The following SORCS2 variants were observed in gnomAD, a reference collection of about 807,000 sequenced individuals.
The protein encoded by SORCS2 is VPS10 domain-containing receptor SorCS2.
SORCS2 carries 100 observed loss-of-function variants against 141.6 expected under a neutral mutation model. The ratio of observed to expected loss-of-function variants is 0.71; its 90% CI spans 0.60 to 0.83. The LOEUF is 0.83. SORCS2 is among the 40% of genes least tolerant of loss of function. The pLI, the probability that SORCS2 is intolerant of heterozygous loss-of-function variation, is 0.00. For missense variants in SORCS2, 1,646 were observed against 1,560.2 expected, an observed-to-expected ratio of 1.05 and a Z score of -0.93; for synonymous variants, 789 against 676.9, an observed-to-expected ratio of 1.17 and a Z score of -2.57.
Position 7,648,926 on chromosome 4 carries a change from C to T in SORCS2, c.814-5208C>T, listed in dbSNP as rs1721257447. Among the ~76,000 whole-genome samples the T allele has an allele frequency of 6.6e-6, 1 of 152,136 alleles. No homozygotes were observed. Among genetic ancestry groups the T allele is most frequent in the Admixed American group, 6.5e-5 (1 of 15,284 alleles). Reference sequence around the variant, plus strand: ...AGCTAGAGGCCAGAGAACCAGAGTTCTGAGCGTAGCATGAGGGGACACGCC... The same window carrying T: ...AGCTAGAGGCCAGAGAACCAGAGTTTTGAGCGTAGCATGAGGGGACACGCC... On this transcript the variant is annotated intron_variant, in intron 4 of 26. Transcript: ENST00000507866. This position sits in a 1 kb window ranked among gnomAD's most constrained non-coding sequence, Gnocchi z 4.2.
intron 1 of SORCS2, among the ~76,000 whole-genome samples, chr4:7,316,753 G>A (rs6850248): frequency 2.0e-5 from 3 of 151,962 alleles, no homozygotes; most frequent in Admixed American, 1.3e-4. Flanking sequence ...TGTACAGTTC[G>A]CAGCCATTCT....
chr4:7,581,995 C>T (rs564480788), intron 3 of SORCS2, among the ~76,000 whole-genome samples: 3 of 152,250 alleles, frequency 2.0e-5, no homozygotes, highest in East Asian at 3.9e-4. Flanking sequence ...TATCTACCCA[C>T]ATTATCAGGA....
intron 3 of SORCS2, among the ~76,000 whole-genome samples, chr4:7,631,840 G>A (rs1288331254): frequency 4.0e-5 from 6 of 151,180 alleles, no homozygotes; most frequent in African/African-American, 1.2e-4. Context: ...CAGAGCTGCC[G>A]CTGCAGACTT....
At chr4:7,696,610 C>T (rs1176941274) in intron 11 of SORCS2, among the ~76,000 whole-genome samples, 1 of 152,292 alleles carries the variant, frequency 6.6e-6, no homozygotes, top group African/African-American at 2.4e-5. Flanking sequence ...GGAGATGGAC[C>T]CAATCAGCCC....
intron 1 of SORCS2, among the ~76,000 whole-genome samples, chr4:7,213,768 C>T (rs1216505069): frequency 6.6e-6 from 1 of 152,178 alleles, no homozygotes; most frequent in Non-Finnish European, 1.5e-5. Context: ...CAGGCCAGTC[C>T]CCTTTCCAGA....
At chr4:7,724,563 G>A (rs1158437346) in intron 19 of SORCS2, among the ~76,000 whole-genome samples, 1 of 109,524 alleles carries the variant, frequency 9.1e-6, no homozygotes, top group Non-Finnish European at 1.9e-5. Flanking sequence ...GGGAATGGAT[G>A]GTGGTGGTGA....
chr4:7,709,846 C>T (rs1227116501), intron 14 of SORCS2, among the ~76,000 whole-genome samples: 1 of 152,164 alleles, frequency 6.6e-6, no homozygotes, highest in Non-Finnish European at 1.5e-5. Flanking sequence ...GGGAGGGGTC[C>T]CCAGGCCCTG....
rs779381673 is a variant in SORCS2, at chr4:7,434,104, G to A, written c.548+37749G>A. 6.2e-7 allele frequency: 1 copy of A among 1,611,862 alleles called. No individual in the cohort carries two copies. Among genetic ancestry groups the A allele is most frequent in the South Asian group, 1.1e-5 (1 of 90,914 alleles). ...CACTACTTGAGTCAAACGGGCAGGT[G>A]CCCCTAGCTCCTCACAGAATCCCCC... On this transcript the variant is annotated intron_variant, in intron 2 of 26. Coordinates refer to ENST00000507866, the MANE Select transcript of SORCS2 (RefSeq NM_020777.3).
rs746991660 is a variant in SORCS2, at chr4:7,682,894, G to A, written c.1488+5G>A. The A allele has an allele frequency of 5.0e-6, 8 of 1,613,082 alleles. No individual in the cohort carries two copies. In the South Asian group the frequency reaches 8.8e-5, roughly 18 times the overall value. ...AAACCAACCAACTGCAAGCCTGTAAGTACCTCTGCTCACATCACACACCAT... is the reference window on the plus strand; with the variant it reads ...AAACCAACCAACTGCAAGCCTGTAAATACCTCTGCTCACATCACACACCAT... On this transcript the variant is annotated splice_donor_5th_base_variant and intron_variant, in intron 10 of 26. Transcript: ENST00000507866.
intron 3 of SORCS2, among the ~76,000 whole-genome samples, chr4:7,579,936 C>T (rs893554030): frequency 2.0e-5 from 3 of 152,060 alleles, no homozygotes; most frequent in African/African-American, 4.8e-5. Flanking sequence ...TGTGTTCATG[C>T]AGAGTGGAGT....
At chr4:7,558,288 C>T (rs192785760) in intron 3 of SORCS2, among the ~76,000 whole-genome samples, 3 of 152,306 alleles carry the variant, frequency 2.0e-5, no homozygotes, top group African/African-American at 7.2e-5. Flanking sequence ...TGTTGTGGGA[C>T]AGAGCTGTCC....
intron 2 of SORCS2, among the ~76,000 whole-genome samples, chr4:7,456,503 C>T (rs1026318821): frequency 6.6e-6 from 1 of 151,986 alleles, no homozygotes; most frequent in Non-Finnish European, 1.5e-5. Flanking sequence ...CTTTTGAGGA[C>T]AGAAACATAA....
intron 6 of SORCS2, among the ~76,000 whole-genome samples, chr4:7,662,218 C>G (rs1158135025): frequency 7.4e-6 from 1 of 135,116 alleles, no homozygotes; most frequent in Non-Finnish European, 1.6e-5. Context: ...GTGTGGCTCC[C>G]CACCCTCCCC....
chr4:7,562,307 C>T (rs369626443), intron 3 of SORCS2, among the ~76,000 whole-genome samples: 12 of 150,480 alleles, frequency 8.0e-5, no homozygotes, highest in African/African-American at 2.2e-4. Context: ...TGATCAGCTG[C>T]GTACACAAAG....
chr4:7,470,386 T>TCC (rs33913266), intron 2 of SORCS2, among the ~76,000 whole-genome samples: 8,056 of 151,984 alleles, frequency 0.053, 622 homozygotes, highest in African/African-American at 0.17. Context: ...TCCATCCATC[T>TCC]ATCCTTCCAT....
At position 7,704,266 on chromosome 4, in the gene SORCS2, A is replaced by T. The variant is rs1446066229; in HGVS notation, c.1850A>T (p.Asp617Val). The T allele has an allele frequency of 1.2e-6, 2 of 1,611,848 alleles. No individual in the cohort carries two copies. The highest frequency in any genetic ancestry group is 1.7e-6 in the Non-Finnish European group (2 of 1,179,214). ...GACGGGCTGCTGAGTGAGCCAGGGG[A>T]CGAGACGCTGGTCATGACGTGAGTG... ...FVDGLLSEPGDETLVMTVFGH... is the reference protein window; with the variant it reads ...FVDGLLSEPGVETLVMTVFGH... Residue 617 changes from aspartate to valine, a missense_variant, in exon 14 of 27, where the codon GAC (aspartate) becomes GTC (valine). Physicochemically the swap from Asp to Val is radical, Grantham distance 152. Coordinates refer to ENST00000507866, the MANE Select transcript of SORCS2 (RefSeq NM_020777.3).
chr4:7,333,674 C>T (rs562384729), intron 1 of SORCS2, among the ~76,000 whole-genome samples: 5 of 152,326 alleles, frequency 3.3e-5, no homozygotes, highest in South Asian at 4.2e-4. Flanking sequence ...CCTGACTTAG[C>T]CCAAGCCCAG....
In SORCS2 at chr4:7,193,213, T is replaced by A; in HGVS notation, c.480+87T>A. On this transcript the variant is annotated intron_variant, in intron 1 of 26. Transcript: ENST00000507866. This position sits in a 1 kb window ranked among gnomAD's most constrained non-coding sequence, Gnocchi z 4.8. ...GGACCGCCACGGCCCCCACCCCAGATCCCCACTATGGTCATCAGGGGCGGG... is the reference window on the plus strand; with the variant it reads ...GGACCGCCACGGCCCCCACCCCAGAACCCCACTATGGTCATCAGGGGCGGG... 1 of 1,355,000 alleles carries A rather than the reference T, an allele frequency of 7.4e-7. No homozygotes were observed. Among genetic ancestry groups the A allele is most frequent in the Non-Finnish European group, 9.5e-7 (1 of 1,055,162 alleles). 83.9% of individuals were successfully genotyped at this position (1,355,000 alleles called of 1,614,324 possible). A position where few individuals can be genotyped will look rare whatever the true frequency, so the allele number is the denominator to read the frequency against.
intron 1 of SORCS2, among the ~76,000 whole-genome samples, chr4:7,258,965 A>T (rs1002896874): frequency 4.0e-5 from 6 of 151,754 alleles, no homozygotes; most frequent in African/African-American, 1.2e-4. Flanking sequence ...CCACTTTTTG[A>T]TGGGGTTGTT....
Sources: allele counts gnomAD v4.1 joint callset (sites outside exome capture counted in the v4.1 genomes callset), GRCh38; gene constraint gnomAD v4.1.1; non-coding constraint Gnocchi (gnomAD v3.1); transcripts MANE v1.5; gene names NCBI Gene and HGNC (gene_info 2026-07-23, HGNC 2026-07-21).